The following MYBPC3 variants were observed in gnomAD, a reference collection of about 807,000 sequenced individuals.
The protein encoded by MYBPC3 is myosin binding protein C3, also known as myosin-binding protein C, cardiac-type.
MYBPC3 carries 108 observed loss-of-function variants against 159.3 expected under a neutral mutation model. The ratio of observed to expected loss-of-function variants is 0.68; its 90% CI spans 0.58 to 0.80. The LOEUF is 0.80. Among genes scored for constraint, MYBPC3 ranks in the 30% least tolerant of loss-of-function variants. The pLI is 0.00. For missense variants in MYBPC3, 1,631 were observed against 1,762.1 expected, an observed-to-expected ratio of 0.93 and a Z score of 1.33; for synonymous variants, 730 against 702.0, an observed-to-expected ratio of 1.04 and a Z score of -0.63.
At chr11:47,334,302 C>T (rs534154652) in intron 27 of MYBPC3, among the ~76,000 whole-genome samples, 3 of 152,232 alleles carry the variant, frequency 2.0e-5, no homozygotes, top group Non-Finnish European at 2.9e-5. Flanking sequence ...TGGGCTTTGA[C>T]ACCCTATGCC....
intron 5 of MYBPC3, among the ~76,000 whole-genome samples, chr11:47,349,014 A>T (rs191322858): frequency 4.0e-4 from 59 of 148,342 alleles, no homozygotes; most frequent in Middle Eastern, 6.9e-3. Flanking sequence ...GTACAGAGAA[A>T]GGGGACTATC....
rs1000925960 is a variant in MYBPC3 at position 47,348,819 on chromosome 11, C to T, written c.655-278G>A. On this transcript the variant is annotated intron_variant, in intron 5 of 34. Coordinates refer to ENST00000545968, the MANE Select transcript of MYBPC3 (RefSeq NM_000256.3). ...ACTCGGGAGGCTGAGGTGGGAGAAT[C>T]GCTTGAACCCAGGAGGTGGAGGTTG... Among the ~76,000 whole-genome samples, 8 of 148,116 alleles carry T rather than the reference C, an allele frequency of 5.4e-5. No homozygotes were observed. The East Asian group carries it at 6.0e-4, about 11-fold the overall frequency.
rs1000835223 is a variant in MYBPC3 at position 47,336,126 on chromosome 11, G to A, written c.2603-115C>T. ...ATAGGGGGCACTTCCTGTTCAGCTG[G>A]CTTTTGGCCACTTTAAGGAATATTT... is the stretch of plus-strand genomic sequence containing the variant. On this transcript the variant is annotated intron_variant, in intron 25 of 34. Transcript: ENST00000545968. The A allele has an allele frequency of 1.0e-5, 11 of 1,061,778 alleles. No homozygotes were observed. The African/African-American group carries it at 1.3e-4, about 13-fold the overall frequency. 65.8% of individuals were successfully genotyped at this position (1,061,778 alleles called of 1,614,324 possible). A position where few individuals can be genotyped will look rare whatever the true frequency, so the allele number is the denominator to read the frequency against.
intron 26 of MYBPC3, 74 bp from the exon 27 acceptor site, chr11:47,335,283 C>G: frequency 8.5e-7 from 1 of 1,170,858 alleles, no homozygotes; most frequent in Non-Finnish European, 1.2e-6. Context: ...GCCCACTCCT[C>G]TGATAGGAAT....
At chr11:47,347,933 G>A in intron 6 of MYBPC3, 28 bp from the exon 7 acceptor site, 1 of 1,565,172 alleles carries the variant, frequency 6.4e-7, no homozygotes, top group Non-Finnish European at 8.7e-7. Flanking sequence ...AGAGATGGGG[G>A]AAGGGGCTTC....
chr11:47,343,035 T>G lies in MYBPC3; in HGVS notation c.1337A>C (p.Glu446Ala). The G allele has an allele frequency of 6.2e-7, 1 of 1,613,288 alleles. No homozygotes were observed. The highest frequency in any genetic ancestry group is 8.5e-7 in the Non-Finnish European group (1 of 1,179,748). Residue 446 changes from glutamate (E) to alanine (A), a missense_variant, in exon 15 of 35, where the codon GAG becomes GCG. Glu to Ala is a moderately radical substitution (Grantham distance 107, BLOSUM62 -1). Coordinates refer to ENST00000545968, the MANE Select transcript of MYBPC3 (RefSeq NM_000256.3). ...CCCAGGCCCACCTTTCACAAAGAGC[T>G]CCGTGCTACACTTCTCGCCACCCAC... ...CVVGGEKCST[E>A]LFVKEPPVLI...
In MYBPC3 at chr11:47,338,752, G is replaced by A. The variant is rs1440514445; in HGVS notation, c.2149-73C>T. ...CCCTTGCAGCCTCCGCCAACAGCCA[G>A]ATGTCCCGGGGGTCCATGGGGGGAA... On this transcript the variant is annotated intron_variant, in intron 22 of 34. Transcript: ENST00000545968. This position sits in a 1 kb window ranked among gnomAD's most constrained non-coding sequence, Gnocchi z 4.7. 1 of 1,484,624 alleles carries A rather than the reference G, an allele frequency of 6.7e-7. No individual in the cohort carries two copies. Among genetic ancestry groups the A allele is most frequent in the Non-Finnish European group, 9.0e-7 (1 of 1,112,432 alleles). The allele number at this position is 1,484,624 out of a possible 1,614,324, so 92.0% of individuals were successfully genotyped here.
chr11:47,334,978 C>A (rs2095880785), intron 27 of MYBPC3, 64 bp downstream of exon 27: 2 of 1,421,002 alleles, frequency 1.4e-6, no homozygotes, highest in Non-Finnish European at 1.9e-6. Context: ...TCCCCACCTC[C>A]ACTGGACACC....
chr11:47,332,609 C>G lies in MYBPC3; in HGVS notation c.3584G>C (p.Gly1195Ala), dbSNP rs730880595. The change falls in exon 32 of 35, where the codon GGC becomes GCC. Residue 1195 changes from glycine to alanine, a missense_variant. By Grantham distance (60) the Gly-to-Ala change is moderately conservative. Coordinates refer to ENST00000545968, the MANE Select transcript of MYBPC3 (RefSeq NM_000256.3). The surrounding 1 kb of genome is among the most constrained non-coding windows in gnomAD (Gnocchi z 4.2). ...AGCACAGCAGAGCATAGCAGTGTAG[C>G]CCGCGATGACCGAGCGGTTCACCAG... ...QPLVNRSVIAGYTAMLCCAVR... is the reference protein window; with the variant it reads ...QPLVNRSVIAAYTAMLCCAVR... 2 of 1,613,886 alleles carry G rather than the reference C, an allele frequency of 1.2e-6. No individual in the cohort carries two copies. The highest frequency in any genetic ancestry group is 2.7e-5 in the African/African-American group (2 of 75,030).
At chr11:47,335,689 C>T in intron 26 of MYBPC3, 188 bp downstream of exon 26, 1 of 512,874 alleles carries the variant, frequency 1.9e-6, no homozygotes, top group Non-Finnish European at 3.4e-6. Context: ...TTACAGTCAG[C>T]TTTACTCTGC....
At chr11:47,334,892 G>T in intron 27 of MYBPC3, 150 bp downstream of exon 27, 1 of 959,338 alleles carries the variant, frequency 1.0e-6, no homozygotes, top group Non-Finnish European at 1.4e-6. Context: ...CCTAGGCCTA[G>T]CGCATGGACG....
chr11:47,335,921 G>A lies in MYBPC3; in HGVS notation c.2693C>T (p.Ala898Val), dbSNP rs752354801. 1.3e-5 allele frequency: 20 copies of A among 1,547,710 alleles called. No individual in the cohort carries two copies. The highest frequency in any genetic ancestry group is 1.7e-5 in the Non-Finnish European group (20 of 1,146,132). ...CACGCTGTAGCCATCCAGGCCTCCT[G>A]CTCCCACGCGCTCTGGGGGCCGCCA... ...LKWRPPERVG[A>V]GGLDGYSVEY... is the part of the protein sequence containing the mutation. The change falls in exon 26 of 35, where the codon GCA becomes GTA. Residue 898 changes from alanine to valine, a missense_variant. Coordinates refer to ENST00000545968, the MANE Select transcript of MYBPC3 (RefSeq NM_000256.3).
Position 47,338,448 on chromosome 11 carries a change from A to G in MYBPC3, c.2308+72T>C. 6.3e-7 allele frequency: 1 copy of G among 1,598,376 alleles called. No homozygotes were observed. The highest frequency in any genetic ancestry group is 8.5e-7 in the Non-Finnish European group (1 of 1,169,934). On this transcript the variant is annotated intron_variant, in intron 23 of 34. Transcript: ENST00000545968. The surrounding 1 kb of genome is among the most constrained non-coding windows in gnomAD (Gnocchi z 4.7). The stretch of plus-strand genomic sequence containing the variant: ...CCCGTGATGTTTGTCGAGTGGCTGA[A>G]TGAGCGAACGGATGGGCCCTCCTTG...
chr11:47,338,797 G>T lies in MYBPC3; in HGVS notation c.2149-118C>A. On this transcript the variant is annotated intron_variant, in intron 22 of 34. Coordinates refer to ENST00000545968, the MANE Select transcript of MYBPC3 (RefSeq NM_000256.3). This position sits in a 1 kb window ranked among gnomAD's most constrained non-coding sequence, Gnocchi z 4.7. ...GGGGAACACAGCCTGTGGGAAGACT[G>T]CATCCACGTCAGCATCTAGTTCAAA... is the stretch of plus-strand genomic sequence containing the variant. The T allele has an allele frequency of 8.2e-7, 1 of 1,218,142 alleles. No homozygotes were observed. Among genetic ancestry groups the T allele is most frequent in the Non-Finnish European group, 1.1e-6 (1 of 896,070 alleles). The allele number at this position is 1,218,142 out of a possible 1,614,324, so 75.5% of individuals were successfully genotyped here.
chr11:47,337,445 TGACC>T lies in MYBPC3; in HGVS notation c.2544_2547del (p.Val849ThrfsTer29). On this transcript the variant is annotated frameshift_variant, in exon 25 of 35. Transcript: ENST00000545968. LOFTEE classifies it high-confidence loss of function. ...CTGGGCCTGGACATGCCGATGGCGT[TGACC>T]GCGTAGACGCGCATCTCGTACACCA... 1 of 1,612,486 alleles carries T rather than the reference TGACC, an allele frequency of 6.2e-7. No homozygotes were observed. Among genetic ancestry groups the T allele is most frequent in the Non-Finnish European group, 8.5e-7 (1 of 1,179,362 alleles).
chr11:47,333,207 TC>T lies in MYBPC3; in HGVS notation c.3316del (p.Asp1106ThrfsTer83). On this transcript the variant is annotated frameshift_variant, in exon 30 of 35. Transcript: ENST00000545968. LOFTEE classifies it high-confidence loss of function. ...CCCTGGGCTCACCATGGTCTTCTTG[TC>T]GGCTTTCTGCACTGTGTACCCCCAG... ...ELWGYTVQKA[D>X]KKTMEWFTVL... 2 of 1,601,946 alleles carry T rather than the reference TC, an allele frequency of 1.2e-6. No individual in the cohort carries two copies. Among genetic ancestry groups the T allele is most frequent in the Non-Finnish European group, 1.7e-6 (2 of 1,174,190 alleles).
At chr11:47,348,037 C>T in intron 6 of MYBPC3, 132 bp from the exon 7 acceptor site, 2 of 898,160 alleles carry the variant, frequency 2.2e-6, no homozygotes, top group Non-Finnish European at 3.5e-6. Flanking sequence ...GGCATCTGCC[C>T]CAGGATCTCA....
intron 18 of MYBPC3, 35 bp from the exon 19 acceptor site, chr11:47,341,279 G>C: frequency 1.3e-6 from 2 of 1,505,942 alleles, no homozygotes; most frequent in Non-Finnish European, 1.8e-6. Context: ...GACCCCACTG[G>C]GCCACACACC....
Position 47,351,493 on chromosome 11 carries a change from C to A in MYBPC3, c.38G>T (p.Ser13Ile). The A allele has an allele frequency of 6.3e-7, 1 of 1,587,172 alleles. No individual in the cohort carries two copies. Among genetic ancestry groups the A allele is most frequent in the South Asian group, 1.1e-5 (1 of 89,266 alleles). The change falls in exon 2 of 35, where the codon AGC becomes ATC. Residue 13 changes from serine to isoleucine, a missense_variant. By Grantham distance (142) the Ser-to-Ile change is moderately radical. Coordinates refer to ENST00000545968, the MANE Select transcript of MYBPC3 (RefSeq NM_000256.3). The surrounding 1 kb of genome is among the most constrained non-coding windows in gnomAD (Gnocchi z 4.2). ...CACTTCCACTGACCGTGGCTTCTTG[C>A]TAAAAGCTGAGACTGAAGGGCCAGG... ...EPGKKPVSAF[S>I]KKPRSVEVAA... is the part of the protein sequence containing the mutation.
Sources: gnomAD v4.1 joint callset for allele counts (sites outside exome capture counted in the v4.1 genomes callset) on GRCh38, gnomAD v4.1.1 for gene constraint, Gnocchi (gnomAD v3.1) non-coding constraint, MANE v1.5 for transcripts, NCBI Gene and HGNC (gene_info 2026-07-23, HGNC 2026-07-21) for gene names.